Variants in VPS41 observed in about 807,000 individuals in gnomAD.
The protein encoded by VPS41 is VPS41 subunit of HOPS complex, also known as vacuolar protein sorting-associated protein 41 homolog.
In VPS41, 85 loss-of-function variants were observed where a neutral mutation model predicts 130.9. The ratio of observed to expected loss-of-function variants is 0.65; its 90% CI spans 0.55 to 0.78. The LOEUF is 0.78. Ranked by LOEUF, VPS41 falls within the 30% of genes least tolerant of loss-of-function variation. VPS41 has a pLI of 0.00. For missense variants in VPS41, 874 were observed against 1,018.7 expected (o/e 0.86, Z 1.93); for synonymous variants, 335 against 332.9 (o/e 1.01, Z -0.07).
chr7:38,894,286 C>T (rs901506650), intron 2 of VPS41, among the ~76,000 whole-genome samples: 2 of 152,164 alleles, frequency 1.3e-5, no homozygotes, highest in African/African-American at 4.8e-5. Context: ...ACTCCAAAGT[C>T]TTCAAAGGCT....
intron 1 of VPS41, among the ~76,000 whole-genome samples, chr7:38,907,001 T>C (rs1787282279): frequency 6.6e-6 from 1 of 152,080 alleles, no homozygotes; most frequent in Admixed American, 6.5e-5. Context: ...ATTCTAGGTA[T>C]TGGACATACA....
At chr7:38,802,067 T>C (rs1784737917) in intron 7 of VPS41, among the ~76,000 whole-genome samples, 1 of 152,256 alleles carries the variant, frequency 6.6e-6, no homozygotes, top group Admixed American at 6.5e-5. Context: ...AATGTCAGTC[T>C]ATTTCCCTTT....
intron 4 of VPS41, among the ~76,000 whole-genome samples, chr7:38,854,118 T>C (rs895337582): frequency 6.6e-6 from 1 of 152,186 alleles, no homozygotes; most frequent in Admixed American, 6.5e-5. Context: ...CTTTGACACA[T>C]CTCTTATCAC....
intron 7 of VPS41, among the ~76,000 whole-genome samples, chr7:38,802,829 G>A (rs951235390): frequency 1.7e-4 from 26 of 152,118 alleles, no homozygotes; most frequent in Admixed American, 7.2e-4. Flanking sequence ...AAAAAACTAC[G>A]CTTAAAAGCA....
chr7:38,724,030 T>C lies in VPS41; in HGVS notation c.*2216A>G, dbSNP rs181348849. On this transcript the variant is annotated 3_prime_UTR_variant, in exon 29 of 29. Transcript: ENST00000310301. ...TTTATTAACGATAAAATCTATATTG[T>C]TCAGGAATTTTCCAGTGTGTTACAG... is the stretch of plus-strand genomic sequence containing the variant. 51 of 152,344 alleles carry C rather than the reference T, an allele frequency of 3.3e-4. No homozygotes were observed. The highest frequency in any genetic ancestry group is 1.1e-3 in the African/African-American group (47 of 41,588). 9.4% of individuals were successfully genotyped at this position (152,344 alleles called of 1,614,324 possible).
chr7:38,828,272 ATG>A (rs1384646166), intron 5 of VPS41, among the ~76,000 whole-genome samples: 2 of 151,528 alleles, frequency 1.3e-5, no homozygotes, highest in Middle Eastern at 3.2e-3. Flanking sequence ...CACATACGAT[ATG>A]TGTGTCTCAA....
chr7:38,766,485 C>T (rs1325390124), intron 15 of VPS41, among the ~76,000 whole-genome samples: 1 of 152,164 alleles, frequency 6.6e-6, no homozygotes, highest in Non-Finnish European at 1.5e-5. Flanking sequence ...TGAGACGACA[C>T]AAATAGTGTC....
At chr7:38,883,998 T>C (rs1160985448) in intron 2 of VPS41, among the ~76,000 whole-genome samples, 1 of 152,246 alleles carries the variant, frequency 6.6e-6, no homozygotes, top group African/African-American at 2.4e-5. Flanking sequence ...ACTATAACCC[T>C]ATGCTCCATT....
intron 2 of VPS41, among the ~76,000 whole-genome samples, chr7:38,884,452 TG>T (rs1321477750): frequency 6.6e-6 from 1 of 152,234 alleles, no homozygotes; most frequent in Non-Finnish European, 1.5e-5. Context: ...AATGCACATC[TG>T]TTTAGGAGGC....
intron 1 of VPS41, among the ~76,000 whole-genome samples, chr7:38,906,085 C>T (rs547602436): frequency 2.6e-5 from 4 of 151,810 alleles, no homozygotes; most frequent in Admixed American, 1.3e-4. Flanking sequence ...CATGAGCCAC[C>T]GCACGCAGCC....
At chr7:38,804,203 CA>C (rs1402366913) in intron 7 of VPS41, among the ~76,000 whole-genome samples, 8 of 151,832 alleles carry the variant, frequency 5.3e-5, no homozygotes, top group Admixed American at 5.2e-4. Context: ...ATTTTAATTT[CA>C]GGGGTTTATG....
intron 3 of VPS41, among the ~76,000 whole-genome samples, chr7:38,865,528 T>G (rs1405162709): frequency 6.6e-6 from 1 of 152,244 alleles, no homozygotes; most frequent in Non-Finnish European, 1.5e-5. Flanking sequence ...AAAAATGGAT[T>G]AATTACAATT....
chr7:38,733,882 C>T (rs1199218103), intron 25 of VPS41, among the ~76,000 whole-genome samples: 2 of 152,076 alleles, frequency 1.3e-5, no homozygotes. Context: ...AGTTCAAGCC[C>T]AGCCTGGGCA....
intron 4 of VPS41, among the ~76,000 whole-genome samples, chr7:38,840,722 C>T (rs1424829177): frequency 6.6e-6 from 1 of 151,988 alleles, no homozygotes; most frequent in Non-Finnish European, 1.5e-5. Flanking sequence ...ATAAAAGAGA[C>T]AAAAATTAAG....
At position 38,767,493 on chromosome 7, in the gene VPS41, A is replaced by G. The variant is rs753519658; in HGVS notation, c.1247+44T>C. On this transcript the variant is annotated intron_variant, in intron 15 of 28. Coordinates refer to ENST00000310301, the MANE Select transcript of VPS41 (RefSeq NM_014396.4). The stretch of plus-strand genomic sequence containing the variant: ...TTATTTTTACTGTTAGCAATGCTCA[A>G]TTCTATTTATATTAACAAATAATTG... 4.2e-6 allele frequency: 6 copies of G among 1,431,840 alleles called. No homozygotes were observed. The South Asian group carries it at 7.5e-5, about 18-fold the overall frequency. The allele number at this position is 1,431,840 out of a possible 1,614,324, so 88.7% of individuals were successfully genotyped here.
chr7:38,897,684 G>A (rs1309272593), intron 2 of VPS41, among the ~76,000 whole-genome samples: 6 of 149,344 alleles, frequency 4.0e-5, no homozygotes, highest in Admixed American at 6.7e-5. Context: ...CAATTTCAAT[G>A]ATTCAAAAAT....
intron 2 of VPS41, among the ~76,000 whole-genome samples, chr7:38,886,351 C>T (rs1459509178): frequency 6.6e-6 from 1 of 152,232 alleles, no homozygotes; most frequent in African/African-American, 2.4e-5. Flanking sequence ...GATCCTCTCC[C>T]GTGCCTGGCT....
intron 6 of VPS41, among the ~76,000 whole-genome samples, chr7:38,818,704 C>T (rs1785109463): frequency 6.6e-6 from 1 of 152,120 alleles, no homozygotes; most frequent in Non-Finnish European, 1.5e-5. Context: ...TCTCTTTATC[C>T]CCAAACCACC....
chr7:38,776,822 A>G (rs1163476775), intron 10 of VPS41, 46 bp from the exon 11 acceptor site: 16 of 1,065,806 alleles, frequency 1.5e-5, no homozygotes, highest in Non-Finnish European at 1.9e-5. Flanking sequence ...AGGGGCAAAC[A>G]GCAGCACACA....
Sources: allele counts gnomAD v4.1 joint callset (sites outside exome capture counted in the v4.1 genomes callset), GRCh38; gene constraint gnomAD v4.1.1; transcripts MANE v1.5; gene names NCBI Gene and HGNC (gene_info 2026-07-23, HGNC 2026-07-21).